The following NPTXR variants were observed in gnomAD, a reference collection of about 807,000 sequenced individuals.
NPTXR encodes neuronal pentraxin receptor.
Under a neutral mutation model 32.2 loss-of-function variants are expected in NPTXR, and 12 were observed. The ratio of observed to expected loss-of-function variants is 0.37; its 90% confidence interval spans 0.24 to 0.60. The LOEUF (loss-of-function observed/expected upper bound fraction) is 0.60, where lower values mean the gene tolerates loss of function less well. NPTXR is among the 20% of genes least tolerant of loss of function. NPTXR has a pLI of 0.66. For missense variants in NPTXR, 612 were observed against 682.9 expected (o/e 0.90, Z 1.16); for synonymous variants, 323 against 315.8 (o/e 1.02, Z -0.24).
At chr22:38,827,216 A>G (rs2093108526) in intron 2 of NPTXR, among the ~76,000 whole-genome samples, 1 of 151,558 alleles carries the variant, frequency 6.6e-6, no homozygotes, top group African/African-American at 2.4e-5. Context: ...TCCAGGAAGC[A>G]GCTTGGATAT....
intron 1 of NPTXR, among the ~76,000 whole-genome samples, chr22:38,829,316 T>C (rs755537351): frequency 1.3e-5 from 2 of 152,080 alleles, no homozygotes; most frequent in Non-Finnish European, 2.9e-5. Context: ...GAGGTCTAAG[T>C]GTTCAGAGTT....
Position 38,826,139 on chromosome 22 carries a change from G to A in NPTXR, c.1098+361C>T, listed in dbSNP as rs962731052. 9.9e-5 allele frequency among the ~76,000 whole-genome samples: 15 copies of A among 152,282 alleles called. No homozygotes were observed. In the East Asian group the frequency reaches 1.9e-3, roughly 20 times the overall value. On this transcript the variant is annotated intron_variant, in intron 3 of 4. Transcript: ENST00000333039. Reference sequence around the variant, plus strand: ...ATTACAGGCATGAGCCAGTGCGCCCGGCCACCTCCCTTCTCTTTAAGTCCA... The same window carrying A: ...ATTACAGGCATGAGCCAGTGCGCCCAGCCACCTCCCTTCTCTTTAAGTCCA...
rs1199337986 is a variant in NPTXR at position 38,843,307 on chromosome 22, C to T, written c.552G>A (p.Trp184Ter). 1 of 1,431,214 alleles carries T rather than the reference C, an allele frequency of 7.0e-7. No homozygotes were observed. Among genetic ancestry groups the T allele is most frequent in the Non-Finnish European group, 9.1e-7 (1 of 1,099,210 alleles). 88.7% of individuals were successfully genotyped at this position (1,431,214 alleles called of 1,614,324 possible). The change falls in exon 1 of 5, where the codon TGG (tryptophan) becomes TGA (stop). Residue 184 changes from tryptophan (W) to a stop codon, truncating the protein, a stop_gained. Coordinates refer to ENST00000333039, the MANE Select transcript of NPTXR (RefSeq NM_014293.4). LOFTEE classifies it high-confidence loss of function. The surrounding 1 kb of genome is among the most constrained non-coding windows in gnomAD (Gnocchi z 5.3). The stretch of plus-strand genomic sequence containing the variant: ...GCTCCAGAATGAGCGCAGGCGAGTC[C>T]CAGGGCCCGTCGGCCATGGTGTCGC...
intron 1 of NPTXR, among the ~76,000 whole-genome samples, chr22:38,831,122 C>G (rs142678111): frequency 1.3e-5 from 2 of 152,210 alleles, no homozygotes; most frequent in Non-Finnish European, 2.9e-5. Flanking sequence ...TCCTCTAAAA[C>G]GGGAACAGGC....
rs780242252 is a variant in NPTXR, at chr22:38,822,828, G to A, written c.1284C>T (p.Thr428=). The A allele has an allele frequency of 1.9e-6, 3 of 1,613,422 alleles. No homozygotes were observed. The highest frequency in any genetic ancestry group is 8.5e-7 in the Non-Finnish European group (1 of 1,179,714). ...GGGTGGCATCAAACCGGCCACCCAG[G>A]GTATCCTGGGCCAAGACAGCAGCAG... is the stretch of plus-strand genomic sequence containing the variant. Residue 428 remains threonine, a synonymous_variant, in exon 5 of 5, where the codon ACC becomes ACT. Coordinates refer to ENST00000333039, the MANE Select transcript of NPTXR (RefSeq NM_014293.4).
chr22:38,823,410 T>G lies in NPTXR; in HGVS notation c.1099-148A>C, dbSNP rs767463835. The G allele has an allele frequency of 9.2e-6, 6 of 653,488 alleles. No individual in the cohort carries two copies. The African/African-American group carries it at 1.1e-4, about 12-fold the overall frequency. 40.5% of individuals were successfully genotyped at this position (653,488 alleles called of 1,614,324 possible). ...ACCCTCTCCATCCTCCTGCCCAGTG[T>G]CTTTCCCTGACTCCTGTCTCCTCTT... On this transcript the variant is annotated intron_variant, in intron 3 of 4. Coordinates refer to ENST00000333039, the MANE Select transcript of NPTXR (RefSeq NM_014293.4).
Position 38,822,660 on chromosome 22 carries a change from C to A in NPTXR, c.1452G>T (p.Gly484=), listed in dbSNP as rs765689362. 3 of 1,614,024 alleles carry A rather than the reference C, an allele frequency of 1.9e-6. No individual in the cohort carries two copies. The South Asian group carries it at 3.3e-5, about 18-fold the overall frequency. ...CATCGAAGGCAGCCTTTGTTGCACC[C>A]CCAAAGGCCTCCACCAACTTGTCTT... Residue 484 remains glycine, a synonymous_variant, in exon 5 of 5, where the codon GGG becomes GGT. Coordinates refer to ENST00000333039, the MANE Select transcript of NPTXR (RefSeq NM_014293.4).
At chr22:38,825,861 GAC>G (rs2093105692) in intron 3 of NPTXR, among the ~76,000 whole-genome samples, 1 of 78,082 alleles carries the variant, frequency 1.3e-5, no homozygotes, top group Admixed American at 1.5e-4. Context: ...TTTTTTTTTT[GAC>G]ACAGAGTCTT....
chr22:38,830,876 A>G (rs796723951), intron 1 of NPTXR, among the ~76,000 whole-genome samples: 1 of 151,686 alleles, frequency 6.6e-6, no homozygotes, highest in South Asian at 2.1e-4. Flanking sequence ...TCTGGCCACC[A>G]TTATCCACCC....
chr22:38,843,316 G>A lies in NPTXR; in HGVS notation c.543C>T (p.Asp181=). The change falls in exon 1 of 5, where the codon GAC becomes GAT. Residue 181 remains aspartate (D), a synonymous_variant. Coordinates refer to ENST00000333039, the MANE Select transcript of NPTXR (RefSeq NM_014293.4). The surrounding 1 kb of genome is among the most constrained non-coding windows in gnomAD (Gnocchi z 5.3). ...TGAGCGCAGGCGAGTCCCAGGGCCC[G>A]TCGGCCATGGTGTCGCGGCGGGGCC... 1 of 1,426,592 alleles carries A rather than the reference G, an allele frequency of 7.0e-7. No individual in the cohort carries two copies. The highest frequency in any genetic ancestry group is 9.1e-7 in the Non-Finnish European group (1 of 1,097,200). 88.4% of individuals were successfully genotyped at this position (1,426,592 alleles called of 1,614,324 possible).
rs2093091218 is a variant in NPTXR at position 38,818,485 on chromosome 22, A to C, written c.*4124T>G. 1 of 152,610 alleles carries C rather than the reference A, an allele frequency of 6.6e-6. No homozygotes were observed. Among genetic ancestry groups the C allele is most frequent in the Non-Finnish European group, 1.5e-5 (1 of 68,102 alleles). 9.5% of individuals were successfully genotyped at this position (152,610 alleles called of 1,614,324 possible). ...AACAGCATGTTTATTTTGAACATTC[A>C]AGTTTACAAAAACAAAAAGGTAACA... On this transcript the variant is annotated 3_prime_UTR_variant, in exon 5 of 5. Coordinates refer to ENST00000333039, the MANE Select transcript of NPTXR (RefSeq NM_014293.4). The surrounding 1 kb of genome is among the most constrained non-coding windows in gnomAD (Gnocchi z 4.5).
intron 1 of NPTXR, among the ~76,000 whole-genome samples, chr22:38,828,855 T>C (rs1456592057): frequency 6.6e-6 from 1 of 152,228 alleles, no homozygotes; most frequent in Non-Finnish European, 1.5e-5. Flanking sequence ...CCCACCCTAG[T>C]CCTTCATAGC....
At chr22:38,825,705 A>C (rs2093105244) in intron 3 of NPTXR, among the ~76,000 whole-genome samples, 1 of 152,074 alleles carries the variant, frequency 6.6e-6, no homozygotes, top group African/African-American at 2.4e-5. Context: ...CCTGAGCACA[A>C]CACCTTTCTA....
Position 38,825,088 on chromosome 22 carries a change from G to A in NPTXR, c.1098+1412C>T, listed in dbSNP as rs192783307. 3.3e-4 allele frequency among the ~76,000 whole-genome samples: 50 copies of A among 152,306 alleles called. 1 individual carries two copies. The East Asian group carries it at 6.6e-3, about 20-fold the overall frequency. On this transcript the variant is annotated intron_variant, in intron 3 of 4. Coordinates refer to ENST00000333039, the MANE Select transcript of NPTXR (RefSeq NM_014293.4). ...AGGTTGGGGAGGAGCTTTAGGAGTGGATGACAGTGATGAGATGCTCCCCTT... is the reference window on the plus strand; with the variant it reads ...AGGTTGGGGAGGAGCTTTAGGAGTGAATGACAGTGATGAGATGCTCCCCTT...
rs935623184 is a variant in NPTXR at position 38,841,550 on chromosome 22, A to G, written c.624+1685T>C. Among the ~76,000 whole-genome samples the G allele has an allele frequency of 7.9e-5, 12 of 152,252 alleles. No individual in the cohort carries two copies. In the East Asian group the frequency reaches 2.3e-3, roughly 29 times the overall value. On this transcript the variant is annotated intron_variant, in intron 1 of 4. Coordinates refer to ENST00000333039, the MANE Select transcript of NPTXR (RefSeq NM_014293.4). ...TGGCAGGCACGAGGAAGTTTATTCA[A>G]TGAAAGTCAAAAATTGTTTTTTACA... is the stretch of plus-strand genomic sequence containing the variant.
rs1303675585 is a variant in NPTXR at position 38,826,594 on chromosome 22, C to A, written c.1004G>T (p.Gly335Val). Residue 335 changes from glycine to valine, a missense_variant, in exon 3 of 5, where the codon GGC (glycine) becomes GTC (valine). Gly to Val is a moderately radical substitution (Grantham distance 109). Coordinates refer to ENST00000333039, the MANE Select transcript of NPTXR (RefSeq NM_014293.4). ...GGGCACTGAGTAGGAGAAGGGGGTGCCCTGGCCGGTGCCGCTGGACCTGGA... is the reference window on the plus strand; with the variant it reads ...GGGCACTGAGTAGGAGAAGGGGGTGACCTGGCCGGTGCCGCTGGACCTGGA... 1 of 1,614,098 alleles carries A rather than the reference C, an allele frequency of 6.2e-7. No homozygotes were observed. Among genetic ancestry groups the A allele is most frequent in the East Asian group, 2.2e-5 (1 of 44,900 alleles).
intron 1 of NPTXR, among the ~76,000 whole-genome samples, chr22:38,837,640 C>G (rs2146198890): frequency 6.6e-6 from 1 of 152,210 alleles, no homozygotes; most frequent in Non-Finnish European, 1.5e-5. Flanking sequence ...CACCTACACC[C>G]CACACAATCC....
chr22:38,828,302 C>G lies in NPTXR; in HGVS notation c.835G>C (p.Ala279Pro), dbSNP rs764531302. 3.1e-6 allele frequency: 5 copies of G among 1,613,470 alleles called. No individual in the cohort carries two copies. The highest frequency in any genetic ancestry group is 4.2e-6 in the Non-Finnish European group (5 of 1,179,994). The change falls in exon 2 of 5, where the codon GCT becomes CCT. Residue 279 changes from alanine to proline, a missense_variant. Physicochemically the swap from Ala to Pro is conservative, Grantham distance 27. Transcript: ENST00000333039. Reference sequence around the variant, plus strand: ...CAGGACCCACCGTGCTCCAGCTCAGCCACACGACCCTGCAGGACGTCCAAC... The same window carrying G: ...CAGGACCCACCGTGCTCCAGCTCAGGCACACGACCCTGCAGGACGTCCAAC...
rs2093098885 is a variant in NPTXR at position 38,822,285 on chromosome 22, A to G, written c.*324T>C. The G allele has an allele frequency of 8.2e-6, 3 of 364,920 alleles. No individual in the cohort carries two copies. The highest frequency in any genetic ancestry group is 3.8e-5 in the Admixed American group (1 of 26,358). 22.6% of individuals were successfully genotyped at this position (364,920 alleles called of 1,614,324 possible). Reference sequence around the variant, plus strand: ...TCCCCCTCATACACAATCCTACCCTACTGGGGGTGCTGTCAAAATTAGTGA... The same window carrying G: ...TCCCCCTCATACACAATCCTACCCTGCTGGGGGTGCTGTCAAAATTAGTGA... On this transcript the variant is annotated 3_prime_UTR_variant, in exon 5 of 5. Transcript: ENST00000333039.
Sources: gnomAD v4.1 joint callset for allele counts (sites outside exome capture counted in the v4.1 genomes callset) on GRCh38, gnomAD v4.1.1 for gene constraint, Gnocchi (gnomAD v3.1) non-coding constraint, MANE v1.5 for transcripts, NCBI Gene and HGNC (gene_info 2026-07-23, HGNC 2026-07-21) for gene names.